DLG5: variants seen among roughly 807,000 people sequenced by gnomAD.
DLG5 encodes discs large MAGUK scaffold protein 5, also known as disks large homolog 5.
A neutral mutation model predicts 189.8 loss-of-function variants in DLG5; 48 were observed. That is an observed-to-expected ratio of 0.25 (90% confidence interval 0.20 to 0.32). The LOEUF (loss-of-function observed/expected upper bound fraction) is 0.32, where lower values mean the gene tolerates loss of function less well. Among genes scored for constraint, DLG5 ranks in the 10% least tolerant of loss-of-function variants. The pLI is 1.00. For synonymous variants in DLG5, 1,016 were observed against 1,054.1 expected, an observed-to-expected ratio of 0.96 and a Z score of 0.70; for missense variants, 2,160 against 2,544.7, an observed-to-expected ratio of 0.85 and a Z score of 3.25.
At chr10:77,820,361 A>AC (rs1038471722) in intron 15 of DLG5, 2 of 193,328 alleles carry the variant, frequency 1.0e-5, no homozygotes, top group African/African-American at 4.8e-5. Flanking sequence ...AAAAAAAAAA[A>AC]AAAAACCAAA....
intron 2 of DLG5, among the ~76,000 whole-genome samples, chr10:77,860,166 T>C (rs1844416287): frequency 6.6e-6 from 1 of 152,206 alleles, no homozygotes. Context: ...CCAGCAAGGT[T>C]AGGTAATTGA....
intron 20 of DLG5, 31 bp from the exon 21 acceptor site, chr10:77,812,408 A>G: frequency 3.1e-6 from 5 of 1,596,696 alleles, no homozygotes; most frequent in Non-Finnish European, 4.3e-6. Context: ...TCGGGGACTC[A>G]GGGTCAAACA....
intron 2 of DLG5, among the ~76,000 whole-genome samples, chr10:77,862,930 A>G (rs1215177527): frequency 6.6e-6 from 1 of 152,216 alleles, no homozygotes; most frequent in African/African-American, 2.4e-5. Context: ...GAAAGGGCAG[A>G]TTGCAAAAGT....
rs750273596 is a variant in DLG5 at position 77,792,543 on chromosome 10, C to A, written c.5657G>T (p.Gly1886Val). The change falls in exon 32 of 32, where the codon GGG (glycine) becomes GTG (valine). Residue 1886 changes from glycine (G) to valine (V), a missense_variant and splice_region_variant. By Grantham distance (109) the Gly-to-Val change is moderately radical (BLOSUM62 -3). Coordinates refer to ENST00000372391, the MANE Select transcript of DLG5 (RefSeq NM_004747.4). ...TGACAGGGCTCCTCCCTGGATGACC[C>A]CTGCAAAAGAGCCCCCCAGACACGT... ...LEQEYSRYFT[G>V]VIQGGALSSI... The A allele has an allele frequency of 1.2e-6, 2 of 1,613,954 alleles. No individual in the cohort carries two copies. The highest frequency in any genetic ancestry group is 1.1e-5 in the South Asian group (1 of 91,084).
At position 77,816,577 on chromosome 10, in the gene DLG5, C is replaced by T. The variant is rs148971807; in HGVS notation, c.3999G>A (p.Ala1333=). Residue 1333 remains alanine, a synonymous_variant, in exon 20 of 32, where the codon GCG becomes GCA. Transcript: ENST00000372391. The part of the protein sequence containing the change: ...STLPRIAVNP[A]SLGERRKDRP... ...TGTCCTTTCTCCGCTCCCCGAGGGA[C>T]GCGGGGTTGACAGCGATTCTGGGCA... 17 of 1,614,030 alleles carry T rather than the reference C, an allele frequency of 1.1e-5. No homozygotes were observed. The highest frequency in any genetic ancestry group is 1.6e-4 in the Middle Eastern group (1 of 6,082).
At chr10:77,846,523 C>A (rs1843701652) in intron 5 of DLG5, among the ~76,000 whole-genome samples, 1 of 151,922 alleles carries the variant, frequency 6.6e-6, no homozygotes, top group South Asian at 2.1e-4. Context: ...ATGGTGAAAC[C>A]CTGTCTCTAC....
At chr10:77,829,230 A>C (rs775397488) in intron 12 of DLG5, 125 bp downstream of exon 12, 505 of 1,326,536 alleles carry the variant, frequency 3.8e-4, no homozygotes, top group Non-Finnish European at 4.6e-4. Flanking sequence ...CACATGGGCT[A>C]CATTTAAATG....
chr10:77,794,994 A>G, intron 29 of DLG5, 36 bp from the exon 30 acceptor site: 1 of 1,568,806 alleles, frequency 6.4e-7, no homozygotes, highest in East Asian at 2.2e-5. Context: ...CCTGGCGGGC[A>G]GTGAGGGGCA....
At chr10:77,910,438 T>C (rs1444104010) in intron 1 of DLG5, among the ~76,000 whole-genome samples, 1 of 152,102 alleles carries the variant, frequency 6.6e-6, no homozygotes, top group Non-Finnish European at 1.5e-5. Flanking sequence ...GTCCAGAAAC[T>C]GGGATGCTGT....
At chr10:77,810,377 C>T (rs1341293961) in intron 23 of DLG5, among the ~76,000 whole-genome samples, 1 of 152,216 alleles carries the variant, frequency 6.6e-6, no homozygotes, top group East Asian at 1.9e-4. Context: ...GCAGAGCTGG[C>T]CTCATTCTGT....
chr10:77,839,092 G>A (rs993234314), intron 7 of DLG5, among the ~76,000 whole-genome samples: 4 of 152,308 alleles, frequency 2.6e-5, no homozygotes, highest in Admixed American at 6.5e-5. Context: ...CCGCAAGGAC[G>A]TCAGGCCTGG....
chr10:77,848,779 A>C (rs1843817065), intron 5 of DLG5, among the ~76,000 whole-genome samples: 1 of 152,208 alleles, frequency 6.6e-6, no homozygotes, highest in Admixed American at 6.5e-5. Flanking sequence ...TTAAAAAAAA[A>C]ATCTACAAGG....
chr10:77,804,934 C>G (rs1841395263), intron 27 of DLG5, among the ~76,000 whole-genome samples: 1 of 152,186 alleles, frequency 6.6e-6, no homozygotes, highest in South Asian at 2.1e-4. Flanking sequence ...GAACCTCTTA[C>G]TGAGGCCAGC....
At chr10:77,826,735 G>A (rs536387317) in intron 13 of DLG5, among the ~76,000 whole-genome samples, 3 of 152,334 alleles carry the variant, frequency 2.0e-5, no homozygotes, top group African/African-American at 7.2e-5. Context: ...ATCACCTGAC[G>A]TCAGGAGCTC....
intron 1 of DLG5, among the ~76,000 whole-genome samples, chr10:77,910,798 C>A (rs1016721434): frequency 6.6e-6 from 1 of 152,006 alleles, no homozygotes; most frequent in Non-Finnish European, 1.5e-5. Context: ...TGATAAAACG[C>A]CGTCTCTACT....
At chr10:77,834,747 G>A (rs1025913984) in intron 8 of DLG5, among the ~76,000 whole-genome samples, 4 of 152,036 alleles carry the variant, frequency 2.6e-5, no homozygotes, top group African/African-American at 4.8e-5. Flanking sequence ...GTCAGAGCCT[G>A]GCTGAGGACT....
chr10:77,917,864 T>C (rs1455822831), intron 1 of DLG5, among the ~76,000 whole-genome samples: 2 of 151,096 alleles, frequency 1.3e-5, no homozygotes, highest in East Asian at 3.9e-4. Flanking sequence ...CCGTCTCTAC[T>C]AAAAATACAA....
intron 1 of DLG5, among the ~76,000 whole-genome samples, chr10:77,881,768 T>C (rs1311843073): frequency 6.6e-6 from 1 of 152,128 alleles, no homozygotes; most frequent in Admixed American, 6.5e-5. Context: ...AATGGCATGT[T>C]CCATTAATCT....
chr10:77,890,409 C>T (rs1393955308), intron 1 of DLG5, among the ~76,000 whole-genome samples: 1 of 152,206 alleles, frequency 6.6e-6, no homozygotes, highest in Non-Finnish European at 1.5e-5. Flanking sequence ...CCACGATTCA[C>T]CTTGGGTCTC....
Sources: gnomAD v4.1 joint callset for allele counts (sites outside exome capture counted in the v4.1 genomes callset) on GRCh38, gnomAD v4.1.1 for gene constraint, MANE v1.5 for transcripts, NCBI Gene and HGNC (gene_info 2026-07-23, HGNC 2026-07-21) for gene names.